CNIH3: variants seen among roughly 807,000 people sequenced by gnomAD.
CNIH3 encodes the protein protein cornichon homolog 3.
In CNIH3, 14 loss-of-function variants were observed where a neutral mutation model predicts 24.1. The ratio of observed to expected loss-of-function variants is 0.58; its 90% CI spans 0.38 to 0.91. CNIH3 has a LOEUF of 0.91. CNIH3 is among the 40% of genes least tolerant of loss of function. The probability of loss-of-function intolerance (pLI) is 0.00; values close to 1 mark genes in which losing one functional copy is unlikely to be tolerated. For synonymous variants in CNIH3, 68 were observed against 73.8 expected (o/e 0.92, Z 0.40); for missense variants, 178 against 196.8 (o/e 0.90, Z 0.57).
intron 1 of CNIH3, among the ~76,000 whole-genome samples, chr1:224,637,509 G>T (rs1237625137): frequency 6.6e-6 from 1 of 152,070 alleles, no homozygotes; most frequent in East Asian, 1.9e-4. Context: ...CCTCAACATA[G>T]CAAGATGAAG....
At chr1:224,457,101 G>A (rs149427997) in intron 1 of CNIH3, among the ~76,000 whole-genome samples, 3 of 152,326 alleles carry the variant, frequency 2.0e-5, no homozygotes, top group Non-Finnish European at 4.4e-5. Flanking sequence ...AATGTTTCTA[G>A]GTCAGCAGCT....
chr1:224,648,319 G>A (rs1684708893), intron 1 of CNIH3, among the ~76,000 whole-genome samples: 1 of 151,630 alleles, frequency 6.6e-6, no homozygotes, highest in Admixed American at 6.6e-5. Context: ...GCTGAGGCAG[G>A]AGAATCGCTC....
chr1:224,680,164 C>T (rs1000738969), intron 1 of CNIH3, among the ~76,000 whole-genome samples: 15 of 152,188 alleles, frequency 9.9e-5, no homozygotes, highest in African/African-American at 3.6e-4. Context: ...AGAAAGGACA[C>T]TCCCCTGGCC....
Position 224,734,705 on chromosome 1 carries a change from TG to T in CNIH3, c.455+1del. On this transcript the variant is annotated frameshift_variant and splice_region_variant, in exon 5 of 6. Transcript: ENST00000272133. LOFTEE classifies it high-confidence loss of function. ...CCTCTCCTTCTTCTACTACCTTTAC[TG>T]GTGAGTATCTGCCCCTCCTGGTGGT... is the stretch of plus-strand genomic sequence containing the variant. ...YLLSFFYYLY[C>X]MIYTLVSS 6.2e-7 allele frequency: 1 copy of T among 1,614,118 alleles called. No homozygotes were observed. Among genetic ancestry groups the T allele is most frequent in the African/African-American group, 1.3e-5 (1 of 75,038 alleles).
chr1:224,570,908 CT>C (rs774790071), intron 4 of CNIH3, among the ~76,000 whole-genome samples: 249 of 143,632 alleles, frequency 1.7e-3, no homozygotes, highest in Middle Eastern at 7.4e-3. Context: ...GATCATATTT[CT>C]TTTTTTTTTT....
Position 224,457,510 on chromosome 1 carries a change from GA to G in CNIH3, n.203+22649del, listed in dbSNP as rs1370597438. 1.7e-4 allele frequency among the ~76,000 whole-genome samples: 23 copies of G among 135,244 alleles called. No homozygotes were observed. The East Asian group carries it at 4.4e-3, about 26-fold the overall frequency. The allele number at this position is 135,244 out of a possible 152,430, so 88.7% of individuals were successfully genotyped here. A position where few individuals can be genotyped will look rare whatever the true frequency, so the allele number is the denominator to read the frequency against. On this transcript the variant is annotated intron_variant and non_coding_transcript_variant, in intron 1 of 5. Coordinates refer to the CNIH3 transcript ENST00000471578. ...ACTGAATGGGAATCTGTGGTCTGGGGATTTTTTTTTTTTTTTTTTTTTTGTC... is the reference window on the plus strand; with the variant it reads ...ACTGAATGGGAATCTGTGGTCTGGGGTTTTTTTTTTTTTTTTTTTTTTGTC...
intron 1 of CNIH3, among the ~76,000 whole-genome samples, chr1:224,506,052 C>G (rs1382315427): frequency 1.3e-5 from 2 of 152,138 alleles, no homozygotes; most frequent in Non-Finnish European, 2.9e-5. Context: ...AAGACCCAAG[C>G]CTTTTTATTT....
intron 4 of CNIH3, among the ~76,000 whole-genome samples, chr1:224,577,618 G>A (rs1160800263): frequency 6.6e-6 from 1 of 152,144 alleles, no homozygotes; most frequent in African/African-American, 2.4e-5. Context: ...TGGTGAGAAT[G>A]TAAACTAGTA....
At position 224,483,494 on chromosome 1, in the gene CNIH3, T is replaced by A. The variant is rs562409426; in HGVS notation, n.204-32247T>A. Among the ~76,000 whole-genome samples the A allele has an allele frequency of 9.1e-4, 139 of 152,120 alleles. 1 individual carries two copies. The highest frequency in any genetic ancestry group is 3.3e-3 in the African/African-American group (135 of 41,530). The stretch of plus-strand genomic sequence containing the variant: ...ACCTCCGCCTCCCCAGTTCAAGTGA[T>A]TCTCATGCCTCGGCCTCCTGAGTAG... On this transcript the variant is annotated intron_variant and non_coding_transcript_variant, in intron 1 of 5. Transcript: ENST00000471578.
chr1:224,447,015 A>G (rs551011815), intron 1 of CNIH3, among the ~76,000 whole-genome samples: 2 of 152,278 alleles, frequency 1.3e-5, no homozygotes, highest in South Asian at 2.1e-4. Flanking sequence ...TGCAAGTAAA[A>G]ATGTAAAGAA....
At chr1:224,461,984 C>A (rs765820819) in intron 1 of CNIH3, among the ~76,000 whole-genome samples, 2 of 152,088 alleles carry the variant, frequency 1.3e-5, no homozygotes, top group Non-Finnish European at 2.9e-5. Context: ...GTACTTCTTT[C>A]CTTTTTTTTA....
chr1:224,701,197 CTTTT>C (rs758489061), intron 3 of CNIH3, among the ~76,000 whole-genome samples: 7 of 133,528 alleles, frequency 5.2e-5, no homozygotes, highest in Admixed American at 7.5e-5. Context: ...GGCTCGGGTT[CTTTT>C]TTTTTTTTTT....
intron 1 of CNIH3, among the ~76,000 whole-genome samples, chr1:224,452,152 CTTT>C (rs58936897): frequency 7.0e-6 from 1 of 142,202 alleles, no homozygotes. Context: ...TTACCAATGT[CTTT>C]TTTTTTTTTT....
chr1:224,661,196 G>T, intron 1 of CNIH3: 1 of 264,772 alleles, frequency 3.8e-6, no homozygotes, highest in Non-Finnish European at 8.0e-6. Flanking sequence ...CACAGCTGCT[G>T]CTCCTCACCA....
intron 1 of CNIH3, among the ~76,000 whole-genome samples, chr1:224,651,676 G>T (rs1418187226): frequency 1.3e-5 from 2 of 152,126 alleles, no homozygotes; most frequent in Non-Finnish European, 2.9e-5. Context: ...ATCGGTAAAG[G>T]TCTAACTCAG....
intron 4 of CNIH3, among the ~76,000 whole-genome samples, chr1:224,731,519 G>A (rs994509472): frequency 5.9e-5 from 9 of 152,136 alleles, no homozygotes; most frequent in African/African-American, 2.2e-4. Context: ...ACCCCAAAGT[G>A]TTTTATCATT....
chr1:224,602,552 AT>A (rs1682250157), intron 3 of CNIH3, among the ~76,000 whole-genome samples: 1 of 152,184 alleles, frequency 6.6e-6, no homozygotes, highest in African/African-American at 2.4e-5. Context: ...AAGAATAATA[AT>A]TTTTCCTTCA....
At chr1:224,665,824 C>T (rs183075216) in intron 1 of CNIH3, among the ~76,000 whole-genome samples, 141 of 138,456 alleles carry the variant, frequency 1.0e-3, no homozygotes, top group African/African-American at 3.6e-3. Context: ...AGGTTAGAGT[C>T]GATAGGTTTA....
intron 3 of CNIH3, among the ~76,000 whole-genome samples, chr1:224,549,883 A>G (rs1679845037): frequency 6.6e-6 from 1 of 152,186 alleles, no homozygotes; most frequent in Admixed American, 6.5e-5. Context: ...CAGCATGTAA[A>G]CACTGGTTAT....
Sources: gnomAD v4.1 joint callset for allele counts (sites outside exome capture counted in the v4.1 genomes callset) on GRCh38, gnomAD v4.1.1 for gene constraint, MANE v1.5 for transcripts, NCBI Gene and HGNC (gene_info 2026-07-23, HGNC 2026-07-21) for gene names.